FAM20C: variants seen among roughly 807,000 people sequenced by gnomAD.
FAM20C encodes the protein extracellular serine/threonine protein kinase FAM20C.
FAM20C carries 40 observed loss-of-function variants against 51.5 expected under a neutral mutation model. The observed-to-expected ratio is 0.78, with a 90% CI of 0.60 to 1.01. The LOEUF is 1.01. Among genes scored for constraint, FAM20C ranks in the 50% least tolerant of loss-of-function variants. The pLI is 0.00. For missense variants in FAM20C, 861 were observed against 844.7 expected (o/e 1.02, Z -0.24); for synonymous variants, 406 against 380.6 (o/e 1.07, Z -0.78).
At chr7:243,082 C>T (rs1254463796) in intron 3 of FAM20C, among the ~76,000 whole-genome samples, 2 of 136,296 alleles carry the variant, frequency 1.5e-5, no homozygotes, top group African/African-American at 2.9e-5. Flanking sequence ...CCTGTGCCAC[C>T]CAAGAGACCT....
chr7:223,054 C>T (rs959389640), intron 3 of FAM20C, among the ~76,000 whole-genome samples: 1 of 149,998 alleles, frequency 6.7e-6, no homozygotes, highest in Admixed American at 6.6e-5. Context: ...CGTGTGTGTG[C>T]ACACTCATGC....
chr7:209,203 C>T lies in FAM20C; in HGVS notation c.863+227C>T, dbSNP rs1171038840. ...TCCTCCCTTTTTATAGGACGGAAAA[C>T]CTACTGCTGGTTATTCTTACCCTGT... On this transcript the variant is annotated intron_variant, in intron 3 of 9. Coordinates refer to ENST00000313766, the MANE Select transcript of FAM20C (RefSeq NM_020223.4). Among the ~76,000 whole-genome samples, 3 of 152,282 alleles carry T rather than the reference C, an allele frequency of 2.0e-5. No homozygotes were observed. The East Asian group carries it at 5.8e-4, about 29-fold the overall frequency.
At position 228,008 on chromosome 7, in the gene FAM20C, C is replaced by T. The variant is rs576918460; in HGVS notation, c.864-18407C>T. 3.3e-4 allele frequency: 53 copies of T among 162,782 alleles called. No individual in the cohort carries two copies. The South Asian group carries it at 6.3e-3, about 19-fold the overall frequency. 10.1% of individuals were successfully genotyped at this position (162,782 alleles called of 1,614,324 possible). ...CTGGCGCAGAGGTTTCCTGCAGACC[C>T]GGGAGGGGTACCTGGGGCCGGTTAG... On this transcript the variant is annotated intron_variant, in intron 3 of 9. Transcript: ENST00000313766.
chr7:226,867 C>A (rs1314407144), intron 3 of FAM20C, among the ~76,000 whole-genome samples: 1 of 152,174 alleles, frequency 6.6e-6, no homozygotes, highest in Non-Finnish European at 1.5e-5. Context: ...GAGAATCTGA[C>A]AGGGAAATGA....
Position 192,778 on chromosome 7 carries a change from G to T in FAM20C, c.-422G>T, listed in dbSNP as rs1218952549. On this transcript the variant is annotated 5_prime_UTR_variant, in exon 1 of 10. Transcript: ENST00000313766. Reference sequence around the variant, plus strand: ...CCGCCCGGCGCCTGGAGAGGAGCGCGCTGAGGATCGGGACGCCTGCGGCCG... The same window carrying T: ...CCGCCCGGCGCCTGGAGAGGAGCGCTCTGAGGATCGGGACGCCTGCGGCCG... 7.0e-6 allele frequency among the ~76,000 whole-genome samples: 1 copy of T among 143,218 alleles called. No individual in the cohort carries two copies. The highest frequency in any genetic ancestry group is 1.5e-5 in the Non-Finnish European group (1 of 64,836). 94.0% of individuals were successfully genotyped at this position (143,218 alleles called of 152,430 possible).
At chr7:257,902 G>A (rs1170265694) in intron 8 of FAM20C, among the ~76,000 whole-genome samples, 1 of 134,034 alleles carries the variant, frequency 7.5e-6, no homozygotes, top group African/African-American at 3.2e-5. Flanking sequence ...GGATGCTGGA[G>A]ATGGGCTGGG....
intron 5 of FAM20C, among the ~76,000 whole-genome samples, chr7:252,134 G>T (rs1788424640): frequency 6.6e-6 from 1 of 152,268 alleles, no homozygotes; most frequent in South Asian, 2.1e-4. Context: ...AACCACAGAT[G>T]CCAGGTGACC....
rs146550939 is a variant in FAM20C, at chr7:200,277, C to T, written c.784+4545C>T. ...CAGGTCACGGTCCCAGGGCCTCGCT[C>T]GGCCGGCCTAGAGAGAGAAAAGGGA... is the stretch of plus-strand genomic sequence containing the variant. On this transcript the variant is annotated intron_variant, in intron 2 of 9. Transcript: ENST00000313766. Among the ~76,000 whole-genome samples, 67 of 151,708 alleles carry T rather than the reference C, an allele frequency of 4.4e-4. No homozygotes were observed. In the East Asian group the frequency reaches 0.012, roughly 27 times the overall value.
Position 209,027 on chromosome 7 carries a change from G to A in FAM20C, c.863+51G>A, listed in dbSNP as rs28493942. On this transcript the variant is annotated intron_variant, in intron 3 of 9. Transcript: ENST00000313766. ...GGCGTGAGGAGCTGGAGCTGCAGGC[G>A]AGCAGGCGCCGGGCTTCTGCTGGGG... is the stretch of plus-strand genomic sequence containing the variant. The A allele has an allele frequency of 2.3e-3, 3,467 of 1,539,070 alleles. 75 individuals are homozygous for A. The African/African-American group carries it at 0.041, about 18-fold the overall frequency.
intron 5 of FAM20C, among the ~76,000 whole-genome samples, chr7:253,047 G>A (rs1044286894): frequency 2.0e-5 from 3 of 152,246 alleles, no homozygotes; most frequent in African/African-American, 7.2e-5. Context: ...GCCATCATCC[G>A]CTTCGCCTTT....
At chr7:244,093 C>G (rs1472984084) in intron 3 of FAM20C, among the ~76,000 whole-genome samples, 1 of 151,992 alleles carries the variant, frequency 6.6e-6, no homozygotes, top group Non-Finnish European at 1.5e-5. Flanking sequence ...TGCCACCACG[C>G]CCAGCTGATT....
rs60189270 is a variant in FAM20C at position 230,378 on chromosome 7, G to GC, written c.864-16037_864-16036insC. ...TCTTGTCCCCAGGACGGGGTGGGGG[G>GC]GGGGGGGAACAGATCCCCGTGGCTT... On this transcript the variant is annotated intron_variant, in intron 3 of 9. Transcript: ENST00000313766. Among the ~76,000 whole-genome samples the GC allele has an allele frequency of 3.6e-4, 38 of 106,230 alleles. 7 individuals carry two copies. Among genetic ancestry groups the GC allele is most frequent in the Non-Finnish European group, 6.4e-4 (31 of 48,264 alleles). 69.7% of individuals were successfully genotyped at this position (106,230 alleles called of 152,430 possible). A position where few individuals can be genotyped will look rare whatever the true frequency, so the allele number is the denominator to read the frequency against.
In FAM20C at chr7:192,633, C is replaced by T. The variant is rs879648283; in HGVS notation, c.-567C>T. Among the ~76,000 whole-genome samples, 2 of 150,090 alleles carry T rather than the reference C, an allele frequency of 1.3e-5. No homozygotes were observed. Among genetic ancestry groups the T allele is most frequent in the Non-Finnish European group, 3.0e-5 (2 of 67,118 alleles). ...CCGCTGCACCTGCCCGGGACCCCGC[C>T]GGCCGCTCCCCGCGCCCACCCCTTC... On this transcript the variant is annotated 5_prime_UTR_variant, in exon 1 of 10. Coordinates refer to ENST00000313766, the MANE Select transcript of FAM20C (RefSeq NM_020223.4).
intron 5 of FAM20C, among the ~76,000 whole-genome samples, chr7:252,448 T>C (rs1424693633): frequency 2.6e-5 from 3 of 114,702 alleles, no homozygotes; most frequent in Admixed American, 8.6e-5. Context: ...CAGAGCACAT[T>C]GGAGGGCTGA....
At chr7:236,154 A>G (rs1011769485) in intron 3 of FAM20C, among the ~76,000 whole-genome samples, 1 of 151,830 alleles carries the variant, frequency 6.6e-6, no homozygotes, top group African/African-American at 2.4e-5. Flanking sequence ...CCGGGGGCTG[A>G]ATCAGCAGCA....
intron 3 of FAM20C, among the ~76,000 whole-genome samples, chr7:225,911 C>T (rs112747831): frequency 4.2e-5 from 2 of 48,042 alleles, no homozygotes; most frequent in African/African-American, 1.8e-4. Context: ...AGAATGGCAC[C>T]GTCACGGGGT....
At chr7:208,416 G>T (rs1285551394) in intron 2 of FAM20C, among the ~76,000 whole-genome samples, 1 of 150,426 alleles carries the variant, frequency 6.6e-6, no homozygotes, top group Non-Finnish European at 1.5e-5. Context: ...GTGCTGATGT[G>T]TGTGGGTGTA....
intron 5 of FAM20C, among the ~76,000 whole-genome samples, chr7:254,258 G>A (rs1034074996): frequency 5.3e-5 from 8 of 152,178 alleles, no homozygotes; most frequent in Non-Finnish European, 1.0e-4. Context: ...GCTGGGAAGC[G>A]CCCTGCCGAA....
Position 251,726 on chromosome 7 carries a change from G to A in FAM20C, c.1072+3296G>A, listed in dbSNP as rs1788410923. 2.0e-5 allele frequency among the ~76,000 whole-genome samples: 3 copies of A among 152,108 alleles called. No individual in the cohort carries two copies. In the South Asian group the frequency reaches 6.2e-4, roughly 32 times the overall value. The stretch of plus-strand genomic sequence containing the variant: ...GAATCCCTTCTCACGTCTCCCTGGA[G>A]CCAGCACTTTATTAAGCGCTCCAGC... On this transcript the variant is annotated intron_variant, in intron 5 of 9. Coordinates refer to ENST00000313766, the MANE Select transcript of FAM20C (RefSeq NM_020223.4).
Sources: gnomAD v4.1 joint callset for allele counts (sites outside exome capture counted in the v4.1 genomes callset) on GRCh38, gnomAD v4.1.1 for gene constraint, MANE v1.5 for transcripts, NCBI Gene and HGNC (gene_info 2026-07-23, HGNC 2026-07-21) for gene names.